The following ITPR1 variants were observed in gnomAD, a reference collection of about 807,000 sequenced individuals.
ITPR1 encodes the protein inositol 1,4,5-trisphosphate-gated calcium channel ITPR1.
A neutral mutation model predicts 318.4 loss-of-function variants in ITPR1; 96 were observed. The ratio of observed to expected loss-of-function variants is 0.30; its 90% confidence interval spans 0.26 to 0.36. The LOEUF (loss-of-function observed/expected upper bound fraction) is 0.36, where lower values mean the gene tolerates loss of function less well. Ranked by LOEUF, ITPR1 falls within the 10% of genes least tolerant of loss-of-function variation. ITPR1 has a pLI of 1.00. For missense variants in ITPR1, 2,440 were observed against 3,460.2 expected (o/e 0.71, Z 7.40); for synonymous variants, 1,312 against 1,289.9 (o/e 1.02, Z -0.37).
At chr3:4,595,384 C>G (rs952228564) in intron 4 of ITPR1, among the ~76,000 whole-genome samples, 1 of 152,100 alleles carries the variant, frequency 6.6e-6, no homozygotes, top group Non-Finnish European at 1.5e-5. Context: ...AGCCAGATCT[C>G]GTGAGAACTC....
chr3:4,556,740 A>C (rs922849761), intron 4 of ITPR1, among the ~76,000 whole-genome samples: 10 of 152,188 alleles, frequency 6.6e-5, no homozygotes, highest in Non-Finnish European at 1.3e-4. Context: ...GTTGCTTCCA[A>C]GTTTTGGCAA....
At chr3:4,654,057 C>G (rs2093653113) in intron 12 of ITPR1, among the ~76,000 whole-genome samples, 171 bp downstream of exon 12, 1 of 152,114 alleles carries the variant, frequency 6.6e-6, no homozygotes, top group South Asian at 2.1e-4. Context: ...GGACCATAGT[C>G]CTTTGTGTCT....
chr3:4,665,049 C>A, intron 16 of ITPR1, 89 bp from the exon 17 acceptor site: 1 of 1,382,892 alleles, frequency 7.2e-7, no homozygotes, highest in Non-Finnish European at 1.0e-6. Flanking sequence ...TGTAATCCAG[C>A]CACCCTTGAG....
At chr3:4,771,611 A>G (rs912201744) in intron 46 of ITPR1, among the ~76,000 whole-genome samples, 3 of 152,148 alleles carry the variant, frequency 2.0e-5, no homozygotes, top group African/African-American at 7.2e-5. Flanking sequence ...CGTTGAATCA[A>G]TGCCCTGGGA....
At chr3:4,799,485 G>A (rs959983057) in intron 53 of ITPR1, among the ~76,000 whole-genome samples, 1 of 152,190 alleles carries the variant, frequency 6.6e-6, no homozygotes, top group Non-Finnish European at 1.5e-5. Context: ...TGGTGGAAGA[G>A]CTGTGCCCTG....
intron 44 of ITPR1, among the ~76,000 whole-genome samples, chr3:4,736,892 G>C (rs2043313419): frequency 6.6e-6 from 1 of 152,222 alleles, no homozygotes; most frequent in African/African-American, 2.4e-5. Flanking sequence ...TGATGGGGCA[G>C]TGGTTTCCAG....
At chr3:4,499,809 C>G (rs2080883462) in intron 2 of ITPR1, among the ~76,000 whole-genome samples, 1 of 152,102 alleles carries the variant, frequency 6.6e-6, no homozygotes, top group African/African-American at 2.4e-5. Flanking sequence ...AGGTTCTTTT[C>G]TTTTTTAAAT....
At position 4,683,734 on chromosome 3, in the gene ITPR1, A is replaced by G; in HGVS notation, c.3434A>G (p.Lys1145Arg). 1 of 1,614,056 alleles carries G rather than the reference A, an allele frequency of 6.2e-7. No individual in the cohort carries two copies. Among genetic ancestry groups the G allele is most frequent in the East Asian group, 2.2e-5 (1 of 44,894 alleles). The stretch of plus-strand genomic sequence containing the variant: ...GAAAAGTCAGAGCTTTGGGTGTACA[A>G]AGGGCAGGGCCCCGATGAGACTATG... ...IVEKSELWVY[K>R]GQGPDETMDG... The change falls in exon 28 of 62, where the codon AAA becomes AGA. Residue 1145 changes from lysine to arginine, a missense_variant. Around this residue, in one of 23 missense-constraint regions of ITPR1, gnomAD observed 86 missense variants for 75.6 expected, o/e 1.14. Transcript: ENST00000649015.
chr3:4,515,975 A>T (rs1022678066), intron 2 of ITPR1, among the ~76,000 whole-genome samples: 1 of 152,188 alleles, frequency 6.6e-6, no homozygotes, highest in Non-Finnish European at 1.5e-5. Flanking sequence ...GTTTCTTTTT[A>T]TTAATGTCAT....
chr3:4,635,153 C>G (rs572510677), intron 5 of ITPR1, among the ~76,000 whole-genome samples: 1 of 152,296 alleles, frequency 6.6e-6, no homozygotes, highest in African/African-American at 2.4e-5. Context: ...TATTCAGGAT[C>G]TTGACAACAT....
intron 54 of ITPR1, among the ~76,000 whole-genome samples, chr3:4,805,210 C>A (rs192185309): frequency 6.0e-4 from 92 of 152,320 alleles, no homozygotes; most frequent in African/African-American, 1.7e-3. Context: ...ACACAGTGTC[C>A]TCAGGGCCCA....
chr3:4,803,083 C>A (rs1402729504), intron 54 of ITPR1, among the ~76,000 whole-genome samples: 2 of 152,206 alleles, frequency 1.3e-5, no homozygotes, highest in East Asian at 1.9e-4. Flanking sequence ...AGGGAGCTTT[C>A]ACTCATGGCG....
At chr3:4,762,910 T>C (rs1235228171) in intron 44 of ITPR1, among the ~76,000 whole-genome samples, 1 of 152,216 alleles carries the variant, frequency 6.6e-6, no homozygotes, top group Non-Finnish European at 1.5e-5. Flanking sequence ...GCAGCACTCT[T>C]CATAATAGCA....
chr3:4,817,336 G>T (rs2049368742), intron 59 of ITPR1: 1 of 152,318 alleles, frequency 6.6e-6, no homozygotes, highest in East Asian at 1.9e-4. Context: ...TAGAGGAGAG[G>T]TGTATGCATC....
intron 4 of ITPR1, among the ~76,000 whole-genome samples, chr3:4,540,718 C>G (rs1003086152): frequency 6.6e-6 from 1 of 151,998 alleles, no homozygotes; most frequent in Admixed American, 6.6e-5. Flanking sequence ...GCTGGGATTA[C>G]AGGCATGCCA....
In ITPR1 at chr3:4,652,144, C is replaced by T. The variant is rs377049416; in HGVS notation, c.877C>T (p.Arg293Trp). 10 of 1,612,492 alleles carry T rather than the reference C, an allele frequency of 6.2e-6. No homozygotes were observed. The highest frequency in any genetic ancestry group is 2.2e-5 in the East Asian group (1 of 44,830). The change falls in exon 11 of 62, where the codon CGG (arginine) becomes TGG (tryptophan). Residue 293 changes from arginine to tryptophan, a missense_variant. By Grantham distance (101) the Arg-to-Trp change is moderately radical. This residue lies in a region of ITPR1 where 32 missense variants were observed against 62.7 expected (regional missense o/e 0.51). Coordinates refer to ENST00000649015, the MANE Select transcript of ITPR1 (RefSeq NM_001378452.1). ...EVEVVQHDPCRGGAGYWNSLF... is the reference protein window; with the variant it reads ...EVEVVQHDPCWGGAGYWNSLF... ...GCAGGTGGTCCAGCATGACCCATGT[C>T]GGGGCGGAGCAGGGTATTGGAACAG...
intron 4 of ITPR1, among the ~76,000 whole-genome samples, chr3:4,617,517 A>C (rs2092432602): frequency 6.6e-6 from 1 of 152,202 alleles, no homozygotes; most frequent in South Asian, 2.1e-4. Flanking sequence ...GAAGCCCTCT[A>C]ATCACCTCTT....
At chr3:4,762,179 A>G (rs952839399) in intron 44 of ITPR1, among the ~76,000 whole-genome samples, 1 of 151,988 alleles carries the variant, frequency 6.6e-6, no homozygotes, top group Non-Finnish European at 1.5e-5. Flanking sequence ...AATTTTTTTT[A>G]TTTCATTGAG....
chr3:4,761,700 C>G (rs2045461393), intron 44 of ITPR1, among the ~76,000 whole-genome samples: 1 of 152,116 alleles, frequency 6.6e-6, no homozygotes, highest in African/African-American at 2.4e-5. Flanking sequence ...GAAAGAGGTT[C>G]CGGGAGGGAG....
Sources: allele counts gnomAD v4.1 joint callset (sites outside exome capture counted in the v4.1 genomes callset), GRCh38; gene constraint gnomAD v4.1.1; regional missense constraint gnomAD v4.1.1; transcripts MANE v1.5; gene names NCBI Gene and HGNC (gene_info 2026-07-23, HGNC 2026-07-21).